The following KRT36 variants were observed in gnomAD, a reference collection of about 807,000 sequenced individuals.
KRT36 encodes the protein keratin, type I cuticular Ha6.
KRT36 carries 41 observed loss-of-function variants against 43.0 expected under a neutral mutation model. The observed-to-expected ratio is 0.95, with a 90% CI of 0.74 to 1.24. The LOEUF is 1.24. Among genes scored for constraint, KRT36 ranks in the 50% most tolerant of loss-of-function variants. The pLI, the probability that KRT36 is intolerant of heterozygous loss-of-function variation, is 0.00. For synonymous variants in KRT36, 277 were observed against 252.9 expected, an observed-to-expected ratio of 1.10 and a Z score of -0.90; for missense variants, 627 against 595.3, an observed-to-expected ratio of 1.05 and a Z score of -0.55.
intron 6 of KRT36, 38 bp from the exon 7 acceptor site, chr17:41,486,609 G>A (rs1269386246): frequency 2.1e-6 from 3 of 1,452,878 alleles, no homozygotes; most frequent in South Asian, 2.8e-5. Context: ...ATTTGGCATC[G>A]GAGCACTGGG....
At position 41,486,290 on chromosome 17, in the gene KRT36, A is replaced by G. The variant is rs977700283; in HGVS notation, c.*86T>C. The G allele has an allele frequency of 8.1e-6, 9 of 1,108,970 alleles. No individual in the cohort carries two copies. Among genetic ancestry groups the G allele is most frequent in the Admixed American group, 2.1e-5 (1 of 46,824 alleles). 68.7% of individuals were successfully genotyped at this position (1,108,970 alleles called of 1,614,324 possible). On this transcript the variant is annotated 3_prime_UTR_variant, in exon 7 of 7. Coordinates refer to ENST00000328119, the MANE Select transcript of KRT36 (RefSeq NM_003771.5). ...AAGCGTAGGGGGACCCCTCTAGAGA[A>G]GGGCAGGGTCGTTAAGCCTCCAGGA...
intron 1 of KRT36, 127 bp downstream of exon 1, chr17:41,489,279 G>A (rs1013022748): frequency 6.9e-6 from 7 of 1,014,916 alleles, no homozygotes; most frequent in Non-Finnish European, 1.0e-5. Context: ...AAGCCCTAGA[G>A]AGAAAAGTTT....
chr17:41,488,837 C>G lies in KRT36; in HGVS notation c.460-113G>C, dbSNP rs9675259. On this transcript the variant is annotated intron_variant, in intron 1 of 6. Transcript: ENST00000328119. The stretch of plus-strand genomic sequence containing the variant: ...CCACTGTGTACCACCAGCCCCTTCA[C>G]CATTTCCAGCCCTGAGCCACACCCC... 6.1e-3 allele frequency: 5,240 copies of G among 863,814 alleles called. 185 individuals are homozygous for G. In the African/African-American group the frequency reaches 0.078, roughly 13 times the overall value. The allele number at this position is 863,814 out of a possible 1,614,324, so 53.5% of individuals were successfully genotyped here. A position where few individuals can be genotyped will look rare whatever the true frequency, so the allele number is the denominator to read the frequency against.
At position 41,487,188 on chromosome 17, in the gene KRT36, A is replaced by G. The variant is rs779268119; in HGVS notation, c.988-18T>C. 1.2e-6 allele frequency: 2 copies of G among 1,607,046 alleles called. No individual in the cohort carries two copies. Among genetic ancestry groups the G allele is most frequent in the Non-Finnish European group, 8.5e-7 (1 of 1,175,456 alleles). On this transcript the variant is annotated intron_variant, in intron 5 of 6. Transcript: ENST00000328119. ...GAATTCCGCTGCAATGGGAAAGAGGAAGAGCTGCCTATTGGGGAGGAATCC... is the reference window on the plus strand; with the variant it reads ...GAATTCCGCTGCAATGGGAAAGAGGGAGAGCTGCCTATTGGGGAGGAATCC...
Position 41,486,409 on chromosome 17 carries a change from G to T in KRT36, c.1371C>A (p.Ser457=). 6.2e-7 allele frequency: 1 copy of T among 1,611,354 alleles called. No homozygotes were observed. The change falls in exon 7 of 7, where the codon TCC becomes TCA. Residue 457 remains serine, a synonymous_variant. Coordinates refer to ENST00000328119, the MANE Select transcript of KRT36 (RefSeq NM_003771.5). The part of the protein sequence containing the change: ...TEEIRDGKVI[S]SREHVQSRPL ...GGCGGGACTGCACGTGCTCCCTGGAGGAGATGACTTTCCCATCTCTGATCT... is the reference window on the plus strand; with the variant it reads ...GGCGGGACTGCACGTGCTCCCTGGATGAGATGACTTTCCCATCTCTGATCT...
intron 1 of KRT36, 95 bp from the exon 2 acceptor site, chr17:41,488,819 GTACCACC>G: frequency 7.8e-6 from 8 of 1,024,536 alleles, no homozygotes; most frequent in East Asian, 2.4e-5. Context: ...ATGCCACTGT[GTACCACC>G]AGCCCCTTCA....
At chr17:41,486,707 G>T (rs1904392491) in intron 6 of KRT36, 136 bp from the exon 7 acceptor site, 4 of 760,312 alleles carry the variant, frequency 5.3e-6, no homozygotes, top group Non-Finnish European at 8.3e-6. Context: ...CCAAGGGTGA[G>T]AGGACTGAGC....
In KRT36 at chr17:41,489,695, G is replaced by A; in HGVS notation, c.170C>T (p.Ser57Phe). Residue 57 changes from serine to phenylalanine, a missense_variant, in exon 1 of 7, where the codon TCT becomes TTT. By Grantham distance (155) the Ser-to-Phe change is radical (BLOSUM62 -2). Coordinates refer to ENST00000328119, the MANE Select transcript of KRT36 (RefSeq NM_003771.5). ...GCCAGGCAAGCAGCTCCCAAGGCCAGAGAGGCCCGACCTAGCAGAAGAGAT... is the reference window on the plus strand; with the variant it reads ...GCCAGGCAAGCAGCTCCCAAGGCCAAAGAGGCCCGACCTAGCAGAAGAGAT... Reference protein sequence around the residue: ...GYISSARSGLSGLGSCLPGSY... With the variant: ...GYISSARSGLFGLGSCLPGSY... 6.2e-7 allele frequency: 1 copy of A among 1,614,206 alleles called. No homozygotes were observed. The highest frequency in any genetic ancestry group is 8.5e-7 in the Non-Finnish European group (1 of 1,180,040).
intron 1 of KRT36, 137 bp downstream of exon 1, chr17:41,489,269 A>G: frequency 1.1e-6 from 1 of 926,776 alleles, no homozygotes; most frequent in South Asian, 1.7e-5. Flanking sequence ...CAGGAAACCA[A>G]AGCCCTAGAG....
chr17:41,486,424 A>G lies in KRT36; in HGVS notation c.1356T>C (p.Asp452=). ...QIRTITEEIR[D]GKVISSREHV... ...GCTCCCTGGAGGAGATGACTTTCCC[A>G]TCTCTGATCTCCTCGGTGATGGTGC... The change falls in exon 7 of 7, where the codon GAT becomes GAC. Residue 452 remains aspartate (D), a synonymous_variant. Transcript: ENST00000328119. 6.2e-7 allele frequency: 1 copy of G among 1,614,040 alleles called. No individual in the cohort carries two copies. Among genetic ancestry groups the G allele is most frequent in the Non-Finnish European group, 8.5e-7 (1 of 1,180,022 alleles).
Position 41,489,729 on chromosome 17 carries a change from C to A in KRT36, c.136G>T (p.Ala46Ser). The A allele has an allele frequency of 6.2e-7, 1 of 1,614,136 alleles. No homozygotes were observed. The highest frequency in any genetic ancestry group is 8.5e-7 in the Non-Finnish European group (1 of 1,180,034). ...SCRVPSLAGA[A>S]GYISSARSGL... Reference sequence around the variant, plus strand: ...GACCTAGCAGAAGAGATGTACCCTGCAGCACCGGCGAGACTGGGGACCCTG... The same window carrying A: ...GACCTAGCAGAAGAGATGTACCCTGAAGCACCGGCGAGACTGGGGACCCTG... The change falls in exon 1 of 7, where the codon GCA (alanine) becomes TCA (serine). Residue 46 changes from alanine (A) to serine (S), a missense_variant. Coordinates refer to ENST00000328119, the MANE Select transcript of KRT36 (RefSeq NM_003771.5).
rs1904428757 is a variant in KRT36, at chr17:41,487,482, A to G, written c.862-6T>C. ...TGCTGGTTCAGCTCCTCAGTCTGAA[A>G]CACATGCCAGGGCCCAGAGCATGGT... is the stretch of plus-strand genomic sequence containing the variant. On this transcript the variant is annotated splice_region_variant and splice_polypyrimidine_tract_variant and intron_variant, in intron 4 of 6. Coordinates refer to ENST00000328119, the MANE Select transcript of KRT36 (RefSeq NM_003771.5). The G allele has an allele frequency of 6.2e-7, 1 of 1,613,974 alleles. No homozygotes were observed. The highest frequency in any genetic ancestry group is 1.3e-5 in the African/African-American group (1 of 74,918).
chr17:41,487,227 AC>A, intron 5 of KRT36, 57 bp from the exon 6 acceptor site: 1 of 1,582,720 alleles, frequency 6.3e-7, no homozygotes, highest in East Asian at 2.2e-5. Flanking sequence ...GACCCCAGAA[AC>A]CCACAGCCCT....
chr17:41,488,248 C>A lies in KRT36; in HGVS notation c.694G>T (p.Glu232Ter), dbSNP rs370425942. 1.2e-6 allele frequency: 2 copies of A among 1,613,524 alleles called. No individual in the cohort carries two copies. Among genetic ancestry groups the A allele is most frequent in the African/African-American group, 2.7e-5 (2 of 74,912 alleles). Residue 232 changes from glutamate (E) to a stop codon, truncating the protein, a stop_gained, in exon 3 of 7, where the codon GAG (glutamate) becomes TAG (stop). Coordinates refer to ENST00000328119, the MANE Select transcript of KRT36 (RefSeq NM_003771.5). LOFTEE classifies it high-confidence loss of function. ...TCACATGGCACCAGCCTCACCTCCT[C>A]GTGATTCTTCTTGAGGCACATCAGC... is the stretch of plus-strand genomic sequence containing the variant. Reference protein sequence around the residue: ...EELMCLKKNHEEEVSVLRCQL... With the variant: ...EELMCLKKNH
intron 3 of KRT36, among the ~76,000 whole-genome samples, chr17:41,487,983 A>C (rs1202288810): frequency 3.3e-5 from 5 of 152,224 alleles, no homozygotes; most frequent in Admixed American, 2.0e-4. Context: ...GCCCAAATAG[A>C]CATGTAGTGT....
In KRT36 at chr17:41,489,494, C is replaced by A; in HGVS notation, c.371G>T (p.Arg124Leu). The A allele has an allele frequency of 1.2e-6, 2 of 1,614,204 alleles. No individual in the cohort carries two copies. Among genetic ancestry groups the A allele is most frequent in the East Asian group, 2.2e-5 (1 of 44,884 alleles). Reference protein sequence around the residue: ...LERENAELESRIQEWYEFQIP... With the variant: ...LERENAELESLIQEWYEFQIP... Reference sequence around the variant, plus strand: ...CTGAAACTCGTACCACTCCTGGATGCGGCTCTCCAGCTCCGCGTTCTCCCG... The same window carrying A: ...CTGAAACTCGTACCACTCCTGGATGAGGCTCTCCAGCTCCGCGTTCTCCCG... The change falls in exon 1 of 7, where the codon CGC (arginine) becomes CTC (leucine). Residue 124 changes from arginine to leucine, a missense_variant. By Grantham distance (102) the Arg-to-Leu change is moderately radical. Coordinates refer to ENST00000328119, the MANE Select transcript of KRT36 (RefSeq NM_003771.5).
chr17:41,487,323 G>C, intron 5 of KRT36, 28 bp downstream of exon 5: 2 of 1,604,340 alleles, frequency 1.2e-6, no homozygotes, highest in Non-Finnish European at 1.7e-6. Flanking sequence ...ACAGGCCGTG[G>C]CCAGCGACGC....
rs1904524101 is a variant in KRT36 at position 41,489,889 on chromosome 17, C to G, written c.-25G>C. ...TGGTGCTAGCAGAGGAAGGTTGCAGCTTAGCAAGGAGCTCAGGTTCTGGAC... is the reference window on the plus strand; with the variant it reads ...TGGTGCTAGCAGAGGAAGGTTGCAGGTTAGCAAGGAGCTCAGGTTCTGGAC... On this transcript the variant is annotated 5_prime_UTR_variant, in exon 1 of 7. Transcript: ENST00000328119. 1.9e-6 allele frequency: 3 copies of G among 1,588,966 alleles called. No homozygotes were observed. The East Asian group carries it at 6.7e-5, about 36-fold the overall frequency.
intron 3 of KRT36, 115 bp downstream of exon 3, chr17:41,488,128 G>T: frequency 3.0e-6 from 3 of 985,002 alleles, no homozygotes; most frequent in Non-Finnish European, 4.6e-6. Flanking sequence ...GAAATGAAAC[G>T]AGAATGAAAT....
Sources: gnomAD v4.1 joint callset for allele counts (sites outside exome capture counted in the v4.1 genomes callset) on GRCh38, gnomAD v4.1.1 for gene constraint, MANE v1.5 for transcripts, NCBI Gene and HGNC (gene_info 2026-07-23, HGNC 2026-07-21) for gene names.